SLC2A13: variants seen among roughly 807,000 people sequenced by gnomAD.
The protein encoded by SLC2A13 is solute carrier family 2 member 13.
In SLC2A13, 32 loss-of-function variants were observed where a neutral mutation model predicts 64.4. The observed-to-expected ratio is 0.50, with a 90% CI of 0.37 to 0.67. SLC2A13 has a LOEUF of 0.67. Among genes scored for constraint, SLC2A13 ranks in the 30% least tolerant of loss-of-function variants. The pLI, the probability that SLC2A13 is intolerant of heterozygous loss-of-function variation, is 0.00. For synonymous variants in SLC2A13, 338 were observed against 327.1 expected (o/e 1.03, Z -0.36); for missense variants, 743 against 829.2 (o/e 0.90, Z 1.28).
intron 3 of SLC2A13, among the ~76,000 whole-genome samples, chr12:39,964,621 G>C (rs1036337959): frequency 2.0e-5 from 3 of 152,200 alleles, no homozygotes; most frequent in African/African-American, 7.2e-5. Flanking sequence ...ATAACTGACA[G>C]AGCCTACAAG....
At chr12:40,053,699 A>G (rs1242414868) in intron 1 of SLC2A13, among the ~76,000 whole-genome samples, 2 of 152,258 alleles carry the variant, frequency 1.3e-5, no homozygotes, top group East Asian at 3.9e-4. Context: ...TTAATTGTAT[A>G]ATTTGGGACT....
chr12:39,910,111 C>T (rs1195008444), intron 4 of SLC2A13, among the ~76,000 whole-genome samples: 1 of 152,068 alleles, frequency 6.6e-6, no homozygotes, highest in Admixed American at 6.6e-5. Flanking sequence ...CCTGCTTCCT[C>T]GTGCAGGACT....
intron 1 of SLC2A13, among the ~76,000 whole-genome samples, chr12:40,055,985 AC>A (rs1451783646): frequency 2.7e-5 from 4 of 150,818 alleles, no homozygotes; most frequent in East Asian, 1.9e-4. Flanking sequence ...GCCAAAAAAA[AC>A]AAACAAAAAA....
At chr12:39,843,333 C>A (rs1334863369) in intron 6 of SLC2A13, among the ~76,000 whole-genome samples, 3 of 151,884 alleles carry the variant, frequency 2.0e-5, no homozygotes, top group African/African-American at 7.2e-5. Flanking sequence ...TGGGCATCAC[C>A]AAAGGAGAAG....
At chr12:39,887,469 T>TA (rs776179498) in intron 4 of SLC2A13, among the ~76,000 whole-genome samples, 9 of 151,976 alleles carry the variant, frequency 5.9e-5, no homozygotes, top group African/African-American at 2.4e-5. Context: ...CAGTGGAATG[T>TA]AAAAAAGGGA....
Position 39,764,759 on chromosome 12 carries a change from T to G in SLC2A13, c.1545A>C (p.Leu515Phe). The change falls in exon 8 of 10, where the codon TTA becomes TTC. Residue 515 changes from leucine to phenylalanine, a missense_variant. By Grantham distance (22) the Leu-to-Phe change is conservative. This residue lies in a region of SLC2A13 where 295 missense variants were observed against 381.7 expected (regional missense o/e 0.77). Transcript: ENST00000280871. The stretch of plus-strand genomic sequence containing the variant: ...TACCAGGTGCAAAGAAGACAAGATA[T>G]AAAATAAGGCCCAGAAGTGCAGTCC... ...YSWTALLGLI[L>F]YLVFFAPGMG... The G allele has an allele frequency of 6.2e-7, 1 of 1,612,660 alleles. No individual in the cohort carries two copies. Among genetic ancestry groups the G allele is most frequent in the Non-Finnish European group, 8.5e-7 (1 of 1,179,266 alleles).
chr12:39,937,298 A>G (rs1945933842), intron 4 of SLC2A13, among the ~76,000 whole-genome samples: 1 of 152,186 alleles, frequency 6.6e-6, no homozygotes, highest in African/African-American at 2.4e-5. Context: ...TTCCCTGAAA[A>G]TGGTGTAAGT....
At chr12:39,969,264 G>T (rs1946596163) in intron 3 of SLC2A13, among the ~76,000 whole-genome samples, 1 of 152,174 alleles carries the variant, frequency 6.6e-6, no homozygotes, top group South Asian at 2.1e-4. Flanking sequence ...AAACATAGGT[G>T]TGCATGTGTC....
intron 4 of SLC2A13, among the ~76,000 whole-genome samples, chr12:39,891,729 G>C (rs1335421094): frequency 2.6e-5 from 4 of 152,162 alleles, no homozygotes; most frequent in African/African-American, 9.7e-5. Flanking sequence ...TTAGGTTAGT[G>C]ACAGGAATAG....
intron 7 of SLC2A13, among the ~76,000 whole-genome samples, chr12:39,825,981 G>A (rs566229226): frequency 3.1e-4 from 47 of 152,246 alleles, no homozygotes; most frequent in African/African-American, 1.1e-3. Context: ...AGCTAAACTA[G>A]AAGGGGTGAT....
chr12:39,773,329 G>A (rs578115090), intron 7 of SLC2A13, among the ~76,000 whole-genome samples: 4 of 152,304 alleles, frequency 2.6e-5, no homozygotes, highest in Admixed American at 2.6e-4. Flanking sequence ...CTTACCAGCA[G>A]AATGACTAGG....
chr12:40,011,598 A>G (rs564920886), intron 3 of SLC2A13, among the ~76,000 whole-genome samples: 1 of 152,280 alleles, frequency 6.6e-6, no homozygotes, highest in African/African-American at 2.4e-5. Context: ...CTGTCACCCA[A>G]ATAGTGAGCA....
intron 3 of SLC2A13, among the ~76,000 whole-genome samples, chr12:39,994,516 CCAT>C (rs1372559375): frequency 1.3e-5 from 2 of 151,880 alleles, no homozygotes; most frequent in African/African-American, 4.8e-5. Context: ...ATCACTACCA[CCAT>C]AATAACCAGA....
intron 4 of SLC2A13, among the ~76,000 whole-genome samples, chr12:39,937,774 C>T (rs900112139): frequency 1.3e-5 from 2 of 152,134 alleles, no homozygotes; most frequent in African/African-American, 4.8e-5. Context: ...CTACAAGTCA[C>T]GCCACATTGG....
intron 1 of SLC2A13, among the ~76,000 whole-genome samples, chr12:40,060,916 TC>T (rs1948409138): frequency 6.6e-6 from 1 of 151,982 alleles, no homozygotes; most frequent in Non-Finnish European, 1.5e-5. Flanking sequence ...GAGAAGAGAA[TC>T]AAAAGACATG....
intron 7 of SLC2A13, among the ~76,000 whole-genome samples, chr12:39,811,818 G>A (rs1038023411): frequency 6.6e-6 from 1 of 152,040 alleles, no homozygotes. Flanking sequence ...CAGTATGTCT[G>A]TTTCCATCCC....
At chr12:39,870,415 A>G (rs1944015932) in intron 5 of SLC2A13, among the ~76,000 whole-genome samples, 1 of 152,156 alleles carries the variant, frequency 6.6e-6, no homozygotes, top group Non-Finnish European at 1.5e-5. Context: ...TTACTATCCT[A>G]ATGATTCAGT....
chr12:40,089,075 G>C (rs958171327), intron 1 of SLC2A13, among the ~76,000 whole-genome samples: 1 of 152,144 alleles, frequency 6.6e-6, no homozygotes, highest in African/African-American at 2.4e-5. Context: ...TAAATAATTG[G>C]TTTTCTTCAG....
chr12:39,924,167 T>C (rs1945673480), intron 4 of SLC2A13, among the ~76,000 whole-genome samples: 1 of 152,218 alleles, frequency 6.6e-6, no homozygotes, highest in Admixed American at 6.5e-5. Flanking sequence ...AAATATCCTA[T>C]ACTTTTGGCC....
Sources: allele counts gnomAD v4.1 joint callset (sites outside exome capture counted in the v4.1 genomes callset), GRCh38; gene constraint gnomAD v4.1.1; regional missense constraint gnomAD v4.1.1; transcripts MANE v1.5; gene names NCBI Gene and HGNC (gene_info 2026-07-23, HGNC 2026-07-21).